Variants in KCNH1 observed in about 807,000 individuals in gnomAD.
KCNH1 encodes the protein voltage-gated delayed rectifier potassium channel KCNH1.
KCNH1 carries 27 observed loss-of-function variants against 69.2 expected under a neutral mutation model. That is an observed-to-expected ratio of 0.39 (90% CI 0.29 to 0.54). The LOEUF (loss-of-function observed/expected upper bound fraction) is 0.54. Among genes scored for constraint, KCNH1 ranks in the 20% least tolerant of loss-of-function variants. KCNH1 has a pLI of 0.68. For synonymous variants in KCNH1, 456 were observed against 487.7 expected (o/e 0.93, Z 0.86); for missense variants, 798 against 1,261.6 (o/e 0.63, Z 5.57).
chr1:210,919,627 C>G lies in KCNH1; in HGVS notation c.1462+13G>C. 6.2e-7 allele frequency: 1 copy of G among 1,605,150 alleles called. No homozygotes were observed. The highest frequency in any genetic ancestry group is 8.5e-7 in the Non-Finnish European group (1 of 1,174,106). ...AGAGATGGCCAACCCCACCCCAGCACTGTCATACTTACAGCCAATCATCAT... is the reference window on the plus strand; with the variant it reads ...AGAGATGGCCAACCCCACCCCAGCAGTGTCATACTTACAGCCAATCATCAT... On this transcript the variant is annotated intron_variant, in intron 7 of 10. Coordinates refer to ENST00000271751, the MANE Select transcript of KCNH1 (RefSeq NM_172362.3). This position sits in a 1 kb window ranked among gnomAD's most constrained non-coding sequence, Gnocchi z 4.2.
intron 6 of KCNH1, among the ~76,000 whole-genome samples, chr1:210,946,794 G>C (rs981234430): frequency 1.3e-5 from 2 of 152,138 alleles, no homozygotes; most frequent in Non-Finnish European, 2.9e-5. Flanking sequence ...CTTACCACCT[G>C]TCCTTCACGT....
chr1:210,851,538 T>C (rs150528360), intron 7 of KCNH1, among the ~76,000 whole-genome samples: 13 of 152,318 alleles, frequency 8.5e-5, no homozygotes, highest in African/African-American at 2.6e-4. Flanking sequence ...ATATACCTAT[T>C]CAAAAATCAA....
chr1:210,860,708 T>C (rs1685959374), intron 7 of KCNH1: 1 of 777,160 alleles, frequency 1.3e-6, no homozygotes. Flanking sequence ...TGATTGCTGA[T>C]AAATACTTGA....
intron 7 of KCNH1, among the ~76,000 whole-genome samples, chr1:210,854,538 G>C (rs906076814): frequency 1.3e-5 from 2 of 152,230 alleles, no homozygotes; most frequent in Non-Finnish European, 2.9e-5. Flanking sequence ...ATTAAGAAAT[G>C]TGGCAGAGCT....
At chr1:210,758,765 A>G (rs890043050) in intron 10 of KCNH1, among the ~76,000 whole-genome samples, 2 of 152,172 alleles carry the variant, frequency 1.3e-5, no homozygotes, top group East Asian at 3.9e-4. Flanking sequence ...GTTGGGGCTC[A>G]GGGAGCATGG....
intron 6 of KCNH1, among the ~76,000 whole-genome samples, chr1:210,975,579 C>T (rs1319764468): frequency 2.0e-5 from 3 of 152,178 alleles, no homozygotes; most frequent in Admixed American, 6.5e-5. Context: ...CCCTTCCTTA[C>T]ACCTTATACA....
At chr1:210,877,138 G>A (rs1287320777) in intron 7 of KCNH1, among the ~76,000 whole-genome samples, 3 of 150,962 alleles carry the variant, frequency 2.0e-5, no homozygotes, top group Non-Finnish European at 4.4e-5. Flanking sequence ...CAATTTGTTT[G>A]CAAAAAATGC....
rs748083666 is a variant in KCNH1 at position 211,107,323 on chromosome 1, C to T, written c.134G>A (p.Ser45Asn). ...AGACAGCTTGCAAAATCCATCATTG[C>T]TGTACACAATAGGCCAGTCCACTAT... ...AQIVDWPIVY[S>N]NDGFCKLSGY... is the part of the protein sequence containing the mutation. The change falls in exon 2 of 11, where the codon AGC becomes AAC. Residue 45 changes from serine (S) to asparagine (N), a missense_variant. Ser to Asn is a conservative substitution (Grantham distance 46). Coordinates refer to ENST00000271751, the MANE Select transcript of KCNH1 (RefSeq NM_172362.3). 6 of 1,612,820 alleles carry T rather than the reference C, an allele frequency of 3.7e-6. No individual in the cohort carries two copies. The highest frequency in any genetic ancestry group is 5.1e-6 in the Non-Finnish European group (6 of 1,179,796).
At chr1:211,029,334 TAA>T (rs58241322) in intron 5 of KCNH1, among the ~76,000 whole-genome samples, 1 of 23,136 alleles carries the variant, frequency 4.3e-5, no homozygotes, top group Non-Finnish European at 6.9e-5. Flanking sequence ...TCCTGTCACT[TAA>T]AAAAAAAAAA....
chr1:210,684,099 C>T lies in KCNH1; in HGVS notation c.2152G>A (p.Glu718Lys), dbSNP rs1362073138. ...TCATTCTTTCGTTTCATGCGTTCTTCCTCTTCACGTTTCACATCGCTGATC... is the reference window on the plus strand; with the variant it reads ...TCATTCTTTCGTTTCATGCGTTCTTTCTCTTCACGTTTCACATCGCTGATC... ...RKISDVKREE[E>K]ERMKRKNEAP... Residue 718 changes from glutamate to lysine, a missense_variant, in exon 11 of 11, where the codon GAA becomes AAA. Around this residue, in one of 4 missense-constraint regions of KCNH1, gnomAD observed 331 missense variants for 363.2 expected, o/e 0.91. Transcript: ENST00000271751. The T allele has an allele frequency of 6.6e-7, 1 of 1,514,592 alleles. No individual in the cohort carries two copies. The highest frequency in any genetic ancestry group is 2.3e-5 in the East Asian group (1 of 43,850). The allele number at this position is 1,514,592 out of a possible 1,614,324, so 93.8% of individuals were successfully genotyped here.
Position 210,683,485 on chromosome 1 carries a change from C to T in KCNH1, c.2766G>A (p.Leu922=). 6.2e-7 allele frequency: 1 copy of T among 1,614,154 alleles called. No individual in the cohort carries two copies. Among genetic ancestry groups the T allele is most frequent in the Non-Finnish European group, 8.5e-7 (1 of 1,180,018 alleles). The stretch of plus-strand genomic sequence containing the variant: ...GCCTCACCTCCAGGACTGTGGCCTG[C>T]AGCGTCTGCTCAGGGATGGGGTAGA... ...HSFYPIPEQT[L]QATVLEVRHE... Residue 922 remains leucine (L), a synonymous_variant, in exon 11 of 11, where the codon CTG becomes CTA. Transcript: ENST00000271751. This position sits in a 1 kb window ranked among gnomAD's most constrained non-coding sequence, Gnocchi z 5.7.
intron 6 of KCNH1, among the ~76,000 whole-genome samples, chr1:210,925,111 A>C (rs1223134812): frequency 6.6e-6 from 1 of 152,238 alleles, no homozygotes; most frequent in Non-Finnish European, 1.5e-5. Context: ...GCAAGAATGC[A>C]TGACACCTCT....
intron 10 of KCNH1, among the ~76,000 whole-genome samples, chr1:210,704,417 G>C (rs1442219374): frequency 6.6e-6 from 1 of 152,208 alleles, no homozygotes; most frequent in East Asian, 1.9e-4. Flanking sequence ...AGGAGTCCAA[G>C]GGTGATGCTA....
At chr1:211,001,302 C>G (rs1263339322) in intron 6 of KCNH1, among the ~76,000 whole-genome samples, 2 of 151,880 alleles carry the variant, frequency 1.3e-5, no homozygotes, top group African/African-American at 4.8e-5. Context: ...ACAATGAACT[C>G]AAACAAATTT....
At chr1:210,857,635 T>C (rs1216458678) in intron 7 of KCNH1, among the ~76,000 whole-genome samples, 1 of 152,248 alleles carries the variant, frequency 6.6e-6, no homozygotes, top group Non-Finnish European at 1.5e-5. Flanking sequence ...TTTGTTTTTA[T>C]AGTTATAGAT....
intron 7 of KCNH1, among the ~76,000 whole-genome samples, chr1:210,813,895 C>T (rs953203596): frequency 5.9e-5 from 9 of 152,076 alleles, no homozygotes; most frequent in Admixed American, 1.3e-4. Flanking sequence ...TCATGAGATC[C>T]GATGGTTTTA....
intron 6 of KCNH1, among the ~76,000 whole-genome samples, chr1:210,995,039 AT>A (rs1689002965): frequency 6.6e-6 from 1 of 152,130 alleles, no homozygotes; most frequent in African/African-American, 2.4e-5. Context: ...CCCAATATCC[AT>A]TTCCCATTCC....
At chr1:210,972,612 A>G (rs1688530817) in intron 6 of KCNH1, among the ~76,000 whole-genome samples, 1 of 152,210 alleles carries the variant, frequency 6.6e-6, no homozygotes, top group South Asian at 2.1e-4. Context: ...ATAGATTTTA[A>G]AAATTCATTT....
intron 10 of KCNH1, among the ~76,000 whole-genome samples, chr1:210,744,459 C>A (rs1683102577): frequency 6.6e-6 from 1 of 152,140 alleles, no homozygotes; most frequent in Non-Finnish European, 1.5e-5. Flanking sequence ...GCCTGACCAA[C>A]ATAGTGAAAC....
Sources: gnomAD v4.1 joint callset for allele counts (sites outside exome capture counted in the v4.1 genomes callset) on GRCh38, gnomAD v4.1.1 for gene constraint, gnomAD v4.1.1 regional missense constraint, Gnocchi (gnomAD v3.1) non-coding constraint, MANE v1.5 for transcripts, NCBI Gene and HGNC (gene_info 2026-07-23, HGNC 2026-07-21) for gene names.